THRB: variants seen among roughly 807,000 people sequenced by gnomAD.
THRB encodes thyroid hormone receptor beta, also known as nuclear receptor subfamily 1 group A member 2.
In THRB, 12 loss-of-function variants were observed where a neutral mutation model predicts 47.8. The observed-to-expected ratio is 0.25, with a 90% CI of 0.16 to 0.41. The LOEUF is 0.41. Among genes scored for constraint, THRB ranks in the 10% least tolerant of loss-of-function variants. The pLI is 1.00. For synonymous variants in THRB, 218 were observed against 212.2 expected, an observed-to-expected ratio of 1.03 and a Z score of -0.24; for missense variants, 348 against 589.2, an observed-to-expected ratio of 0.59 and a Z score of 4.24.
At chr3:24,219,138 G>A (rs1205700236) in intron 4 of THRB, among the ~76,000 whole-genome samples, 2 of 152,018 alleles carry the variant, frequency 1.3e-5, no homozygotes, top group African/African-American at 4.8e-5. Context: ...TTAGCTGAGT[G>A]TGGTGGTGTG....
chr3:24,182,099 G>A (rs572621685), intron 5 of THRB, among the ~76,000 whole-genome samples: 39 of 152,200 alleles, frequency 2.6e-4, no homozygotes, highest in Non-Finnish European at 5.0e-4. Flanking sequence ...TACTCGGGAG[G>A]CTGAGGCAGG....
chr3:24,484,374 T>C (rs114669777), intron 1 of THRB, among the ~76,000 whole-genome samples: 1,596 of 152,296 alleles, frequency 0.01, 18 homozygotes, highest in South Asian at 0.018. Flanking sequence ...TAAGTGGCTA[T>C]TAAGATGTGC....
intron 2 of THRB, among the ~76,000 whole-genome samples, chr3:24,303,001 AG>A (rs781521263): frequency 2.0e-5 from 3 of 152,182 alleles, no homozygotes; most frequent in Non-Finnish European, 4.4e-5. Flanking sequence ...TTTTTACTGG[AG>A]TCCTTCCACT....
intron 2 of THRB, among the ~76,000 whole-genome samples, chr3:24,304,742 C>G (rs7638253): frequency 4.7e-4 from 71 of 151,968 alleles, no homozygotes; most frequent in Middle Eastern, 6.8e-3. Context: ...AAAGCTGGTT[C>G]TTTTATAAAA....
At chr3:24,210,459 T>C (rs2045906268) in intron 4 of THRB, among the ~76,000 whole-genome samples, 1 of 151,830 alleles carries the variant, frequency 6.6e-6, no homozygotes, top group Non-Finnish European at 1.5e-5. Context: ...TCTGGAGACA[T>C]TTTTTGGTGG....
intron 1 of THRB, among the ~76,000 whole-genome samples, chr3:24,406,178 A>G (rs1560113911): frequency 1.3e-5 from 2 of 151,472 alleles, no homozygotes; most frequent in Non-Finnish European, 3.0e-5. Flanking sequence ...TTGTCATTAT[A>G]TTTGCTAGAC....
intron 3 of THRB, among the ~76,000 whole-genome samples, chr3:24,279,313 G>A (rs1340384458): frequency 6.6e-6 from 1 of 152,146 alleles, no homozygotes; most frequent in African/African-American, 2.4e-5. Context: ...TGAGAGAGAA[G>A]TGAATCAGTG....
intron 1 of THRB, among the ~76,000 whole-genome samples, chr3:24,440,486 G>T (rs2071420871): frequency 6.6e-6 from 1 of 152,040 alleles, no homozygotes; most frequent in African/African-American, 2.4e-5. Context: ...CATTTCTTCA[G>T]ATATGTATTT....
intron 1 of THRB, among the ~76,000 whole-genome samples, chr3:24,357,346 CAAAAAAA>C (rs781709724): frequency 1.4e-4 from 4 of 28,732 alleles, no homozygotes; most frequent in East Asian, 1.5e-3. Context: ...TTGTCTCTCC[CAAAAAAA>C]AAAAAAAAAA....
At chr3:24,390,545 A>G (rs966337583) in intron 1 of THRB, among the ~76,000 whole-genome samples, 3 of 152,068 alleles carry the variant, frequency 2.0e-5, no homozygotes, top group Non-Finnish European at 4.4e-5. Flanking sequence ...TATTATAAGC[A>G]TTTCTGTAAC....
In THRB at chr3:24,336,569, T is replaced by C. The variant is rs556228081; in HGVS notation, c.-189+731A>G. 9.2e-5 allele frequency among the ~76,000 whole-genome samples: 14 copies of C among 152,338 alleles called. No individual in the cohort carries two copies. The South Asian group carries it at 2.9e-3, about 32-fold the overall frequency. On this transcript the variant is annotated intron_variant, in intron 2 of 10. Transcript: ENST00000646209. ...TGAAAACAAACTGGATCCTAAATTA[T>C]AACCCAGTGATCTGAATGGTTGCTT...
intron 10 of THRB, among the ~76,000 whole-genome samples, chr3:24,126,287 A>G (rs1386177870): frequency 6.6e-6 from 1 of 152,008 alleles, no homozygotes; most frequent in Non-Finnish European, 1.5e-5. Context: ...AGGCTGAGGC[A>G]GGAGAATCTC....
intron 4 of THRB, among the ~76,000 whole-genome samples, chr3:24,212,603 GAAA>G (rs2046172076): frequency 7.6e-6 from 1 of 130,758 alleles, no homozygotes; most frequent in Non-Finnish European, 1.7e-5. Context: ...AAAAAAGAAA[GAAA>G]AGAGAATTGA....
intron 1 of THRB, among the ~76,000 whole-genome samples, chr3:24,456,449 T>C (rs1277161792): frequency 6.6e-6 from 1 of 152,026 alleles, no homozygotes; most frequent in Non-Finnish European, 1.5e-5. Flanking sequence ...TCCTCTCTAC[T>C]ATATGGGACT....
chr3:24,424,662 A>G (rs969556057), intron 1 of THRB, among the ~76,000 whole-genome samples: 2 of 151,978 alleles, frequency 1.3e-5, no homozygotes, highest in Non-Finnish European at 2.9e-5. Flanking sequence ...AAATTTTCAC[A>G]GCCTAGAATT....
intron 1 of THRB, among the ~76,000 whole-genome samples, chr3:24,392,981 A>C (rs2066690516): frequency 6.6e-6 from 1 of 152,134 alleles, no homozygotes; most frequent in Non-Finnish European, 1.5e-5. Flanking sequence ...CTATTGAATT[A>C]ATTTCCCTTT....
chr3:24,487,033 G>A (rs924103152), intron 1 of THRB, among the ~76,000 whole-genome samples: 1 of 152,138 alleles, frequency 6.6e-6, no homozygotes, highest in Non-Finnish European at 1.5e-5. Context: ...GAAAGTCAAG[G>A]AAAGATTATG....
In THRB at chr3:24,286,005, C is replaced by T. The variant is rs551784442; in HGVS notation, c.-43+11221G>A. Among the ~76,000 whole-genome samples the T allele has an allele frequency of 3.7e-4, 57 of 152,216 alleles. 1 individual carries two copies. The South Asian group carries it at 0.012, about 31-fold the overall frequency. On this transcript the variant is annotated intron_variant, in intron 3 of 10. Coordinates refer to ENST00000646209, the MANE Select transcript of THRB (RefSeq NM_001354712.2). ...GGACCTTCATGATGGGATTAGTGCCCTTATGTGAAGATGAAGATGGAGAGA... is the reference window on the plus strand; with the variant it reads ...GGACCTTCATGATGGGATTAGTGCCTTTATGTGAAGATGAAGATGGAGAGA...
chr3:24,187,386 T>C (rs2042733928), intron 5 of THRB, among the ~76,000 whole-genome samples: 1 of 152,250 alleles, frequency 6.6e-6, no homozygotes, highest in South Asian at 2.1e-4. Flanking sequence ...AGATGACTGA[T>C]CTGGCAGATG....
Sources: allele counts gnomAD v4.1 joint callset (sites outside exome capture counted in the v4.1 genomes callset), GRCh38; gene constraint gnomAD v4.1.1; transcripts MANE v1.5; gene names NCBI Gene and HGNC (gene_info 2026-07-23, HGNC 2026-07-21).